CD34: variants seen among roughly 807,000 people sequenced by gnomAD.
The protein encoded by CD34 is hematopoietic progenitor cell antigen CD34.
Under a neutral mutation model 40.1 loss-of-function variants are expected in CD34, and 34 were observed. That is an observed-to-expected ratio of 0.85 (90% CI 0.65 to 1.13). The LOEUF is 1.13. Ranked by LOEUF, CD34 falls within the 50% of genes most tolerant of loss-of-function variation. The pLI is 0.00. For synonymous variants in CD34, 209 were observed against 190.0 expected (o/e 1.10, Z -0.82); for missense variants, 426 against 466.9 (o/e 0.91, Z 0.81).
rs1661919154 is a variant in CD34, at chr1:207,887,189, C to G, written c.*549G>C. ...AGAGAACAAGGGAGGAGCTGGTGACCAAGTCCACAGTGTCTTGGAGGAGAG... is the reference window on the plus strand; with the variant it reads ...AGAGAACAAGGGAGGAGCTGGTGACGAAGTCCACAGTGTCTTGGAGGAGAG... On this transcript the variant is annotated 3_prime_UTR_variant, in exon 8 of 8. Transcript: ENST00000310833. The G allele has an allele frequency of 6.5e-6, 1 of 154,438 alleles. No individual in the cohort carries two copies. Among genetic ancestry groups the G allele is most frequent in the Admixed American group, 6.5e-5 (1 of 15,456 alleles). The allele number at this position is 154,438 out of a possible 1,614,324, so 9.6% of individuals were successfully genotyped here.
chr1:207,903,405 G>C (rs1662317670), intron 1 of CD34, among the ~76,000 whole-genome samples: 1 of 152,102 alleles, frequency 6.6e-6, no homozygotes, highest in Non-Finnish European at 1.5e-5. Context: ...TTTCATTCTA[G>C]ATGGGAGGAA....
chr1:207,899,411 T>C (rs1662224104), intron 2 of CD34, among the ~76,000 whole-genome samples, 185 bp from the exon 3 acceptor site: 1 of 152,198 alleles, frequency 6.6e-6, no homozygotes, highest in Non-Finnish European at 1.5e-5. Flanking sequence ...GAATCTAGAA[T>C]GTATTAGAGG....
At chr1:207,900,047 G>A in intron 1 of CD34, 44 bp from the exon 2 acceptor site, 1 of 1,424,062 alleles carries the variant, frequency 7.0e-7, no homozygotes, top group South Asian at 1.3e-5. Flanking sequence ...AAAGATATCA[G>A]CCTGGTGATA....
At chr1:207,899,284 T>C (rs773952663) in intron 2 of CD34, 58 bp from the exon 3 acceptor site, 1 of 1,578,494 alleles carries the variant, frequency 6.3e-7, no homozygotes, top group Non-Finnish European at 8.7e-7. Flanking sequence ...ATACACAAAA[T>C]CTCAGGTCAT....
chr1:207,881,655 G>C lies in CD34; in HGVS notation c.*6083C>G, dbSNP rs552962077. 5.3e-4 allele frequency: 52 copies of C among 98,454 alleles called. No individual in the cohort carries two copies. The highest frequency in any genetic ancestry group is 2.2e-3 in the African/African-American group (49 of 22,360). 6.1% of individuals were successfully genotyped at this position (98,454 alleles called of 1,614,324 possible). On this transcript the variant is annotated 3_prime_UTR_variant, in exon 8 of 8. Transcript: ENST00000310833. ...AGCCTGGGTGACAGAGCGAGACTCC[G>C]TCTCAAAAAAAAAAAAAAAAAAAAA...
intron 3 of CD34, among the ~76,000 whole-genome samples, chr1:207,898,671 A>G (rs1662202520): frequency 6.6e-6 from 1 of 152,238 alleles, no homozygotes. Context: ...TCCTGGTCAA[A>G]GCCCCACTGA....
chr1:207,892,078 A>G (rs1662048934), intron 4 of CD34, among the ~76,000 whole-genome samples: 1 of 152,178 alleles, frequency 6.6e-6, no homozygotes, highest in South Asian at 2.1e-4. Context: ...GAGAATGAAG[A>G]ACACTACCTT....
At chr1:207,889,331 G>T (rs987239857) in intron 5 of CD34, 118 bp from the exon 6 acceptor site, 3 of 1,541,184 alleles carry the variant, frequency 1.9e-6, no homozygotes, top group Non-Finnish European at 2.7e-6. Context: ...CGGGGGGACC[G>T]CTCCCAAAGC....
At chr1:207,894,814 CA>C (rs60398622) in intron 4 of CD34, among the ~76,000 whole-genome samples, 16 of 145,024 alleles carry the variant, frequency 1.1e-4, no homozygotes, top group Admixed American at 2.8e-4. Context: ...GGCTGGGGAG[CA>C]AAAAAAAAAG....
chr1:207,904,812 T>G (rs1464569016), intron 1 of CD34, among the ~76,000 whole-genome samples: 1 of 152,234 alleles, frequency 6.6e-6, no homozygotes, highest in African/African-American at 2.4e-5. Context: ...TCTTATGTGT[T>G]TTACTCCTGG....
At chr1:207,898,242 A>G (rs975845163) in intron 3 of CD34, among the ~76,000 whole-genome samples, 1 of 151,836 alleles carries the variant, frequency 6.6e-6, no homozygotes, top group African/African-American at 2.4e-5. Context: ...ACGGGGTTTC[A>G]CCATGTTGCC....
Position 207,885,400 on chromosome 1 carries a change from C to G in CD34, c.*2338G>C, listed in dbSNP as rs181997153. 2.0e-5 allele frequency: 3 copies of G among 152,516 alleles called. No homozygotes were observed. Among genetic ancestry groups the G allele is most frequent in the Admixed American group, 2.0e-4 (3 of 15,292 alleles). 9.4% of individuals were successfully genotyped at this position (152,516 alleles called of 1,614,324 possible). ...CCGCAATACACACACAGCCCTTCCT[C>G]CCAAAGCATACATACACATTCCAGC... On this transcript the variant is annotated 3_prime_UTR_variant, in exon 8 of 8. Transcript: ENST00000310833.
intron 3 of CD34, 65 bp from the exon 4 acceptor site, chr1:207,897,638 C>A (rs41274812): frequency 0.034 from 44,199 of 1,288,328 alleles, 964 homozygotes; most frequent in African/African-American, 0.08. Flanking sequence ...CTCCTCATTT[C>A]TTTCCCAACT....
In CD34 at chr1:207,898,597, T is replaced by C. The variant is rs141487966; in HGVS notation, c.516+376A>G. 5.4e-3 allele frequency among the ~76,000 whole-genome samples: 817 copies of C among 152,308 alleles called. 8 individuals carry two copies. Among genetic ancestry groups the C allele is most frequent in the African/African-American group, 0.017 (694 of 41,558 alleles). On this transcript the variant is annotated intron_variant, in intron 3 of 7. Coordinates refer to ENST00000310833, the MANE Select transcript of CD34 (RefSeq NM_001025109.2). The stretch of plus-strand genomic sequence containing the variant: ...GAGGAAATGTTATTTGTCCTAACCA[T>C]TGTGGGAGAAGCAGCCCCAGCAAAT...
chr1:207,887,616 T>C lies in CD34; in HGVS notation c.*122A>G. On this transcript the variant is annotated 3_prime_UTR_variant, in exon 8 of 8. Transcript: ENST00000310833. ...AGGGCCCCAAGAACAGCCTCTGAGGTGTGTGCAGTGGGGAAGGGTTGGGCG... is the reference window on the plus strand; with the variant it reads ...AGGGCCCCAAGAACAGCCTCTGAGGCGTGTGCAGTGGGGAAGGGTTGGGCG... 1.5e-6 allele frequency: 2 copies of C among 1,378,570 alleles called. No homozygotes were observed. Among genetic ancestry groups the C allele is most frequent in the South Asian group, 2.7e-5 (2 of 73,240 alleles). The allele number at this position is 1,378,570 out of a possible 1,614,324, so 85.4% of individuals were successfully genotyped here.
At chr1:207,903,140 C>T (rs1396438349) in intron 1 of CD34, among the ~76,000 whole-genome samples, 1 of 152,192 alleles carries the variant, frequency 6.6e-6, no homozygotes, top group African/African-American at 2.4e-5. Flanking sequence ...AACACTGCGG[C>T]ACAGCAGGGA....
intron 2 of CD34, 52 bp downstream of exon 2, chr1:207,899,769 A>T: frequency 6.6e-7 from 1 of 1,504,140 alleles, no homozygotes; most frequent in Non-Finnish European, 9.1e-7. Flanking sequence ...TAAATGCTTT[A>T]CCCAAGCATC....
chr1:207,888,085 C>T, intron 7 of CD34, 162 bp from the exon 8 acceptor site: 1 of 1,613,922 alleles, frequency 6.2e-7, no homozygotes, highest in Non-Finnish European at 8.5e-7. Context: ...GTGCAGACTC[C>T]TTTCTTCCTG....
intron 4 of CD34, chr1:207,889,842 T>G: frequency 1.3e-6 from 2 of 1,575,244 alleles, no homozygotes; most frequent in South Asian, 2.4e-5. Flanking sequence ...ATCCATATCT[T>G]CTAGTATCTA....
Sources: gnomAD v4.1 joint callset for allele counts (sites outside exome capture counted in the v4.1 genomes callset) on GRCh38, gnomAD v4.1.1 for gene constraint, MANE v1.5 for transcripts, NCBI Gene and HGNC (gene_info 2026-07-23, HGNC 2026-07-21) for gene names.